TBC1D22B: variants seen among roughly 807,000 people sequenced by gnomAD.
TBC1D22B encodes chromosome 6 open reading frame 197.
A neutral mutation model predicts 69.1 loss-of-function variants in TBC1D22B; 32 were observed. That is an observed-to-expected ratio of 0.46 (90% CI 0.35 to 0.62). The LOEUF (loss-of-function observed/expected upper bound fraction) is 0.62. Ranked by LOEUF, TBC1D22B falls within the 20% of genes least tolerant of loss-of-function variation. TBC1D22B has a pLI of 0.00. For missense variants in TBC1D22B, 462 were observed against 630.9 expected (o/e 0.73, Z 2.87); for synonymous variants, 206 against 229.8 (o/e 0.90, Z 0.94).
intron 12 of TBC1D22B, among the ~76,000 whole-genome samples, chr6:37,322,864 C>A (rs112732940): frequency 4.0e-4 from 61 of 152,278 alleles, no homozygotes; most frequent in African/African-American, 1.3e-3. Flanking sequence ...CTCCAGAAGT[C>A]AAAAATTCAC....
chr6:37,278,270 A>C (rs1445291077), intron 2 of TBC1D22B, among the ~76,000 whole-genome samples: 1 of 152,228 alleles, frequency 6.6e-6, no homozygotes, highest in African/African-American at 2.4e-5. Context: ...ATGGTCTTAA[A>C]GACAGAGTAG....
intron 12 of TBC1D22B, among the ~76,000 whole-genome samples, chr6:37,326,841 T>TA (rs947466406): frequency 1.5e-4 from 23 of 152,280 alleles, no homozygotes; most frequent in African/African-American, 4.8e-4. Context: ...TCACAAATTT[T>TA]AAAAAAATTG....
At chr6:37,284,865 C>T (rs933895539) in intron 6 of TBC1D22B, among the ~76,000 whole-genome samples, 1 of 152,036 alleles carries the variant, frequency 6.6e-6, no homozygotes, top group Non-Finnish European at 1.5e-5. Flanking sequence ...TAAGCGTTAT[C>T]GAGCATGGAG....
chr6:37,301,875 T>C (rs1479148741), intron 8 of TBC1D22B, among the ~76,000 whole-genome samples: 2 of 152,122 alleles, frequency 1.3e-5, no homozygotes, highest in African/African-American at 2.4e-5. Flanking sequence ...CTCAAGTATC[T>C]TTCTCATGGA....
chr6:37,262,056 G>T (rs1197530837), intron 1 of TBC1D22B, among the ~76,000 whole-genome samples: 2 of 147,618 alleles, frequency 1.4e-5, no homozygotes, highest in Non-Finnish European at 3.0e-5. Flanking sequence ...TTTGAGATGG[G>T]GTCTCCCTCT....
intron 5 of TBC1D22B, 140 bp downstream of exon 5, chr6:37,283,092 C>A: frequency 1.5e-6 from 1 of 670,038 alleles, no homozygotes; most frequent in South Asian, 1.9e-5. Flanking sequence ...GGACTATAGT[C>A]CTATTTCTGT....
chr6:37,304,161 T>C lies in TBC1D22B; in HGVS notation c.983-8757T>C, dbSNP rs115019925. Among the ~76,000 whole-genome samples, 1,245 of 152,324 alleles carry C rather than the reference T, an allele frequency of 8.2e-3. 15 individuals carry two copies. Among genetic ancestry groups the C allele is most frequent in the African/African-American group, 0.027 (1,122 of 41,568 alleles). On this transcript the variant is annotated intron_variant, in intron 8 of 12. Transcript: ENST00000373491. Reference sequence around the variant, plus strand: ...AATTAGCCGAAAGTTCTCTCTCCCCTAAGGGATGGAGGTGGAGCACCACCA... The same window carrying C: ...AATTAGCCGAAAGTTCTCTCTCCCCCAAGGGATGGAGGTGGAGCACCACCA...
intron 2 of TBC1D22B, among the ~76,000 whole-genome samples, chr6:37,271,911 A>G (rs955572978): frequency 7.0e-6 from 1 of 142,118 alleles, no homozygotes; most frequent in Non-Finnish European, 1.5e-5. Flanking sequence ...GAGAGCAGGG[A>G]CTTTGTTTTG....
chr6:37,305,518 A>G (rs1581615386), intron 8 of TBC1D22B, among the ~76,000 whole-genome samples: 2 of 81,616 alleles, frequency 2.5e-5, no homozygotes, highest in Non-Finnish European at 2.3e-5. Flanking sequence ...AGTTTTGCCT[A>G]TTTCCTTTTT....
chr6:37,273,238 A>C (rs565872919), intron 2 of TBC1D22B, among the ~76,000 whole-genome samples: 5 of 151,132 alleles, frequency 3.3e-5, no homozygotes, highest in African/African-American at 1.2e-4. Flanking sequence ...CTAGACCTAC[A>C]TCGTGGTCTT....
chr6:37,317,189 G>A lies in TBC1D22B; in HGVS notation c.1372G>A (p.Asp458Asn). The A allele has an allele frequency of 1.3e-6, 2 of 1,570,344 alleles. No individual in the cohort carries two copies. The highest frequency in any genetic ancestry group is 1.7e-6 in the Non-Finnish European group (2 of 1,155,510). The part of the protein sequence containing the change: ...FLIKWRKEIL[D>N]EEDFQGLLML... ...GATCAAGTGGAGGAAAGAGATCTTG[G>A]ATGAGGAGGATTTTCAGGTGAGTGG... Residue 458 changes from aspartate (D) to asparagine (N), a missense_variant, in exon 12 of 13, where the codon GAT (aspartate) becomes AAT (asparagine). Coordinates refer to ENST00000373491, the MANE Select transcript of TBC1D22B (RefSeq NM_017772.4).
chr6:37,287,555 TCTG>T (rs1443812950), intron 7 of TBC1D22B, among the ~76,000 whole-genome samples: 2 of 152,222 alleles, frequency 1.3e-5, no homozygotes, highest in Non-Finnish European at 2.9e-5. Flanking sequence ...TTAACTCTCT[TCTG>T]CAGCCTCCAT....
chr6:37,329,368 A>C (rs1023476093), intron 12 of TBC1D22B, among the ~76,000 whole-genome samples: 2 of 152,188 alleles, frequency 1.3e-5, no homozygotes, highest in African/African-American at 4.8e-5. Flanking sequence ...TGATGCAGAT[A>C]ATCCATGGTT....
intron 3 of TBC1D22B, 117 bp from the exon 4 acceptor site, chr6:37,282,068 C>T: frequency 8.5e-7 from 1 of 1,182,660 alleles, no homozygotes; most frequent in Non-Finnish European, 1.2e-6. Flanking sequence ...TCAGACAGTG[C>T]ACACAGGCAG....
Position 37,282,266 on chromosome 6 carries a change from C to G in TBC1D22B, c.503C>G (p.Ser168Trp). ...RPIIPLVARI[S>W]DQNASGAPPM... The stretch of plus-strand genomic sequence containing the variant: ...ATCATCCCCCTCGTTGCCCGGATCT[C>G]GGATCAGAACGCTTCTGGGGCCCCC... The change falls in exon 4 of 13, where the codon TCG (serine) becomes TGG (tryptophan). Residue 168 changes from serine to tryptophan, a missense_variant. Ser to Trp is a radical substitution (Grantham distance 177). This residue lies in a region of TBC1D22B where 237 missense variants were observed against 255.4 expected (regional missense o/e 0.93). Coordinates refer to ENST00000373491, the MANE Select transcript of TBC1D22B (RefSeq NM_017772.4). The G allele has an allele frequency of 1.2e-6, 2 of 1,614,202 alleles. No individual in the cohort carries two copies. The highest frequency in any genetic ancestry group is 1.7e-6 in the Non-Finnish European group (2 of 1,180,036).
chr6:37,315,340 T>C (rs2045296198), intron 10 of TBC1D22B, among the ~76,000 whole-genome samples: 1 of 152,056 alleles, frequency 6.6e-6, no homozygotes, highest in African/African-American at 2.4e-5. Flanking sequence ...GAGGATCACT[T>C]GAGCCCAGGA....
intron 9 of TBC1D22B, 31 bp from the exon 10 acceptor site, chr6:37,313,785 A>C: frequency 6.2e-7 from 1 of 1,607,330 alleles, no homozygotes; most frequent in Non-Finnish European, 8.5e-7. Flanking sequence ...GTTAGAGTCC[A>C]TGTTCATCCT....
intron 1 of TBC1D22B, among the ~76,000 whole-genome samples, chr6:37,262,440 C>T (rs1583517959): frequency 6.6e-6 from 1 of 152,318 alleles, no homozygotes; most frequent in South Asian, 2.1e-4. Context: ...ACTTCATCCT[C>T]CAAAAGTGTT....
intron 12 of TBC1D22B, among the ~76,000 whole-genome samples, chr6:37,323,449 G>C (rs1196798841): frequency 3.9e-5 from 6 of 152,286 alleles, no homozygotes; most frequent in Non-Finnish European, 7.3e-5. Context: ...AGGATCATCT[G>C]AGCCAGGGAG....
Sources: allele counts gnomAD v4.1 joint callset (sites outside exome capture counted in the v4.1 genomes callset), GRCh38; gene constraint gnomAD v4.1.1; regional missense constraint gnomAD v4.1.1; transcripts MANE v1.5; gene names NCBI Gene and HGNC (gene_info 2026-07-23, HGNC 2026-07-21).